CCDC60: variants seen among roughly 807,000 people sequenced by gnomAD.
CCDC60 encodes the protein coiled-coil domain-containing protein 60.
Under a neutral mutation model 63.5 loss-of-function variants are expected in CCDC60, and 54 were observed. That is an observed-to-expected ratio of 0.85 (90% CI 0.68 to 1.07). CCDC60 has a LOEUF of 1.07. Ranked by LOEUF, CCDC60 falls within the 50% of genes least tolerant of loss-of-function variation. The pLI is 0.00. For synonymous variants in CCDC60, 206 were observed against 238.8 expected (o/e 0.86, Z 1.27); for missense variants, 651 against 684.3 (o/e 0.95, Z 0.54).
At chr12:119,407,214 A>G (rs1292970156) in intron 1 of CCDC60, among the ~76,000 whole-genome samples, 1 of 152,036 alleles carries the variant, frequency 6.6e-6, no homozygotes, top group Non-Finnish European at 1.5e-5. Flanking sequence ...AAATTATAAG[A>G]TGATGTATCT....
At chr12:119,417,678 A>G (rs1394994327) in intron 1 of CCDC60, among the ~76,000 whole-genome samples, 2 of 152,208 alleles carry the variant, frequency 1.3e-5, no homozygotes, top group Non-Finnish European at 2.9e-5. Context: ...TAAGTCCTCA[A>G]GAAGAGGTAC....
At chr12:119,441,283 G>C (rs889170189) in intron 2 of CCDC60, among the ~76,000 whole-genome samples, 2 of 152,108 alleles carry the variant, frequency 1.3e-5, no homozygotes, top group Admixed American at 1.3e-4. Flanking sequence ...TGGGATTGTT[G>C]AACAAGCCAT....
chr12:119,467,032 T>G (rs1950965690), intron 2 of CCDC60, among the ~76,000 whole-genome samples: 2 of 152,222 alleles, frequency 1.3e-5, no homozygotes, highest in African/African-American at 4.8e-5. Flanking sequence ...CCCTAGAAAT[T>G]TCTGCATAAA....
chr12:119,511,513 AC>A (rs1415008510), intron 7 of CCDC60, among the ~76,000 whole-genome samples: 1 of 152,126 alleles, frequency 6.6e-6, no homozygotes, highest in Admixed American at 6.5e-5. Context: ...TAACTCAAAA[AC>A]ATGAGTCCTA....
intron 9 of CCDC60, among the ~76,000 whole-genome samples, chr12:119,520,542 CT>C (rs11460611): frequency 0.2 from 25,169 of 126,506 alleles, 2,393 homozygotes; most frequent in East Asian, 0.47. Flanking sequence ...AGAGAATATT[CT>C]TTTTTTTTTT....
chr12:119,380,914 T>G (rs1308796411), intron 1 of CCDC60, among the ~76,000 whole-genome samples: 2 of 152,222 alleles, frequency 1.3e-5, no homozygotes, highest in Non-Finnish European at 2.9e-5. Context: ...TAGTAGTAAG[T>G]TTACTTTTTA....
At chr12:119,465,083 G>A (rs138132928) in intron 2 of CCDC60, among the ~76,000 whole-genome samples, 87 of 151,396 alleles carry the variant, frequency 5.7e-4, no homozygotes, top group East Asian at 1.4e-3. Context: ...AGGCCGAGGC[G>A]GGTGGATCAC....
chr12:119,338,319 A>G (rs897755031), intron 1 of CCDC60, among the ~76,000 whole-genome samples: 16 of 152,200 alleles, frequency 1.1e-4, no homozygotes, highest in African/African-American at 3.6e-4. Flanking sequence ...TGCAGTCATG[A>G]TCATGATCAT....
rs1247648699 is a variant in CCDC60, at chr12:119,410,806, G to A, written c.91-17877G>A. ...CACTCGGGCTGCAGTGCGGTGGCGC[G>A]ATCTCAGCTCACTGCAGCCTCTGCC... On this transcript the variant is annotated intron_variant, in intron 1 of 13. Coordinates refer to ENST00000327554, the MANE Select transcript of CCDC60 (RefSeq NM_178499.5). This position sits in a 1 kb window ranked among gnomAD's most constrained non-coding sequence, Gnocchi z 4.0. 1.3e-5 allele frequency among the ~76,000 whole-genome samples: 2 copies of A among 152,050 alleles called. No individual in the cohort carries two copies. Among genetic ancestry groups the A allele is most frequent in the African/African-American group, 2.4e-5 (1 of 41,374 alleles).
chr12:119,478,362 C>A (rs1300951137), intron 3 of CCDC60, among the ~76,000 whole-genome samples: 1 of 20,036 alleles, frequency 5.0e-5, no homozygotes, highest in Non-Finnish European at 8.8e-5. Flanking sequence ...CAACAACCAC[C>A]CCCCCCCAAA....
chr12:119,460,343 G>A (rs998864912), intron 2 of CCDC60, among the ~76,000 whole-genome samples: 2 of 152,148 alleles, frequency 1.3e-5, no homozygotes, highest in Admixed American at 6.5e-5. Flanking sequence ...ATTTTATCAT[G>A]TCTAAGAAGC....
At chr12:119,526,178 A>C (rs952823626) in intron 11 of CCDC60, among the ~76,000 whole-genome samples, 2 of 152,246 alleles carry the variant, frequency 1.3e-5, no homozygotes, top group African/African-American at 4.8e-5. Flanking sequence ...CTCTCTATTC[A>C]ATAAATGGTG....
At chr12:119,340,041 G>A (rs568227543) in intron 1 of CCDC60, among the ~76,000 whole-genome samples, 16 of 152,274 alleles carry the variant, frequency 1.1e-4, no homozygotes, top group South Asian at 2.1e-4. Context: ...GCGTTATCAC[G>A]TTTTATCTAA....
At chr12:119,371,151 G>T (rs1955893988) in intron 1 of CCDC60, among the ~76,000 whole-genome samples, 1 of 152,226 alleles carries the variant, frequency 6.6e-6, no homozygotes, top group Non-Finnish European at 1.5e-5. Flanking sequence ...AGACAGCCTT[G>T]TGTTTCTTCA....
chr12:119,398,455 C>G lies in CCDC60; in HGVS notation c.91-30228C>G, dbSNP rs569309177. Among the ~76,000 whole-genome samples, 3 of 152,294 alleles carry G rather than the reference C, an allele frequency of 2.0e-5. No individual in the cohort carries two copies. The South Asian group carries it at 6.2e-4, about 32-fold the overall frequency. ...TCCCCGCAAGCAGAGGGAACCAGCT[C>G]CAGCCTCGGCCAGCCCTGAGAGGGG... On this transcript the variant is annotated intron_variant, in intron 1 of 13. Coordinates refer to ENST00000327554, the MANE Select transcript of CCDC60 (RefSeq NM_178499.5).
At chr12:119,415,484 T>C (rs537583545) in intron 1 of CCDC60, among the ~76,000 whole-genome samples, 1 of 152,324 alleles carries the variant, frequency 6.6e-6, no homozygotes, top group African/African-American at 2.4e-5. Context: ...TTTTGGACTT[T>C]AGTCTAAAAA....
chr12:119,537,983 G>A (rs952537900), intron 13 of CCDC60, among the ~76,000 whole-genome samples: 8 of 152,246 alleles, frequency 5.3e-5, no homozygotes, highest in African/African-American at 1.2e-4. Flanking sequence ...GTCTGCAGAA[G>A]TATCTGCTGC....
intron 8 of CCDC60, among the ~76,000 whole-genome samples, 199 bp downstream of exon 8, chr12:119,516,906 G>A (rs1952369539): frequency 6.6e-6 from 1 of 152,136 alleles, no homozygotes; most frequent in African/African-American, 2.4e-5. Flanking sequence ...AAGAAATGAG[G>A]CTCAGAGAGC....
rs77527665 is a variant in CCDC60 at position 119,431,625 on chromosome 12, G to T, written c.170+2863G>T. 4.7e-3 allele frequency among the ~76,000 whole-genome samples: 719 copies of T among 152,266 alleles called. 7 individuals are homozygous for T. Among genetic ancestry groups the T allele is most frequent in the African/African-American group, 0.016 (679 of 41,550 alleles). On this transcript the variant is annotated intron_variant, in intron 2 of 13. Coordinates refer to ENST00000327554, the MANE Select transcript of CCDC60 (RefSeq NM_178499.5). ...CAGGCAAAAAGGAGGTTTGTTTTGAGAGAGGGCTGTTATCGTCATTGTTTT... is the reference window on the plus strand; with the variant it reads ...CAGGCAAAAAGGAGGTTTGTTTTGATAGAGGGCTGTTATCGTCATTGTTTT...
Sources: gnomAD v4.1 joint callset for allele counts (sites outside exome capture counted in the v4.1 genomes callset) on GRCh38, gnomAD v4.1.1 for gene constraint, Gnocchi (gnomAD v3.1) non-coding constraint, MANE v1.5 for transcripts, NCBI Gene and HGNC (gene_info 2026-07-23, HGNC 2026-07-21) for gene names.